ASAP2: variants seen among roughly 807,000 people sequenced by gnomAD.
The protein encoded by ASAP2 is arf-GAP with SH3 domain, ANK repeat and PH domain-containing protein 2.
ASAP2 carries 45 observed loss-of-function variants against 131.4 expected under a neutral mutation model. The observed-to-expected ratio is 0.34, with a 90% CI of 0.27 to 0.44. ASAP2 has a LOEUF of 0.44. Among genes scored for constraint, ASAP2 ranks in the 20% least tolerant of loss-of-function variants. The pLI, the probability that ASAP2 is intolerant of heterozygous loss-of-function variation, is 1.00. For missense variants in ASAP2, 1,011 were observed against 1,297.0 expected, an observed-to-expected ratio of 0.78 and a Z score of 3.39; for synonymous variants, 510 against 503.0, an observed-to-expected ratio of 1.01 and a Z score of -0.19.
At chr2:9,213,208 A>G (rs1661730027) in intron 1 of ASAP2, among the ~76,000 whole-genome samples, 1 of 152,252 alleles carries the variant, frequency 6.6e-6, no homozygotes, top group Non-Finnish European at 1.5e-5. Context: ...GCAGGCTGGA[A>G]TGCAGAGAGG....
chr2:9,208,130 C>G (rs957735264), intron 1 of ASAP2, among the ~76,000 whole-genome samples: 1 of 152,180 alleles, frequency 6.6e-6, no homozygotes, highest in African/African-American at 2.4e-5. Context: ...TTTCCTTACC[C>G]ATCAAACGGG....
chr2:9,323,368 C>T (rs1670274565), intron 6 of ASAP2, 118 bp downstream of exon 6: 1 of 1,420,722 alleles, frequency 7.0e-7, no homozygotes, highest in Non-Finnish European at 9.5e-7. Context: ...CATTGCTGGA[C>T]TCCCTTTGCC....
Position 9,207,320 on chromosome 2 carries a change from T to A in ASAP2, c.126+90T>A. The stretch of plus-strand genomic sequence containing the variant: ...CCGCATCCGCATCCCGAGAAAACTT[T>A]CTTTGCTCCGAAGCCGGACGCGGCC... On this transcript the variant is annotated intron_variant, in intron 1 of 27. Coordinates refer to ENST00000281419, the MANE Select transcript of ASAP2 (RefSeq NM_003887.3). This position sits in a 1 kb window ranked among gnomAD's most constrained non-coding sequence, Gnocchi z 4.1. 7.0e-7 allele frequency: 1 copy of A among 1,418,754 alleles called. No homozygotes were observed. The highest frequency in any genetic ancestry group is 9.2e-7 in the Non-Finnish European group (1 of 1,084,998). 87.9% of individuals were successfully genotyped at this position (1,418,754 alleles called of 1,614,324 possible).
In ASAP2 at chr2:9,311,041, C is replaced by T. The variant is rs1396695391; in HGVS notation, c.346-7483C>T. On this transcript the variant is annotated intron_variant, in intron 3 of 27. Coordinates refer to ENST00000281419, the MANE Select transcript of ASAP2 (RefSeq NM_003887.3). This position sits in a 1 kb window ranked among gnomAD's most constrained non-coding sequence, Gnocchi z 5.2. ...CTTGTCAGACATATCCAAGTGAACT[C>T]GGGGGGAAAAGCTAAGACAGGAAGT... is the stretch of plus-strand genomic sequence containing the variant. 6.6e-6 allele frequency among the ~76,000 whole-genome samples: 1 copy of T among 151,654 alleles called. No homozygotes were observed. The highest frequency in any genetic ancestry group is 1.5e-5 in the Non-Finnish European group (1 of 67,966).
chr2:9,370,271 A>T (rs1673844317), intron 16 of ASAP2, among the ~76,000 whole-genome samples: 1 of 152,208 alleles, frequency 6.6e-6, no homozygotes, highest in South Asian at 2.1e-4. Flanking sequence ...GTGAACAGGG[A>T]CCATGTGCAT....
At chr2:9,337,295 G>C (rs974912987) in intron 9 of ASAP2, among the ~76,000 whole-genome samples, 1 of 152,206 alleles carries the variant, frequency 6.6e-6, no homozygotes, top group Non-Finnish European at 1.5e-5. Context: ...ATGGCATTCA[G>C]CAAGTTGGAC....
Position 9,391,177 on chromosome 2 carries a change from T to A in ASAP2, c.2499T>A (p.Pro833=). The part of the protein sequence containing the change: ...DPPAVHPPLP[P]LRVTSTNPLT... ...CAGCTGTCCATCCACCGCTGCCCCC[T>A]CTTCGCGTGACATCTACCAGTACGT... The change falls in exon 23 of 28, where the codon CCT becomes CCA. Residue 833 remains proline (P), a synonymous_variant. Coordinates refer to ENST00000281419, the MANE Select transcript of ASAP2 (RefSeq NM_003887.3). The A allele has an allele frequency of 6.2e-7, 1 of 1,613,926 alleles. No individual in the cohort carries two copies.
chr2:9,207,303 G>T lies in ASAP2; in HGVS notation c.126+73G>T. On this transcript the variant is annotated intron_variant, in intron 1 of 27. Transcript: ENST00000281419. This position sits in a 1 kb window ranked among gnomAD's most constrained non-coding sequence, Gnocchi z 4.1. ...AGCCCCGCCCGCCGCTCCCGCATCC[G>T]CATCCCGAGAAAACTTTCTTTGCTC... The T allele has an allele frequency of 6.9e-7, 1 of 1,439,090 alleles. No homozygotes were observed. The highest frequency in any genetic ancestry group is 9.1e-7 in the Non-Finnish European group (1 of 1,097,530). 89.1% of individuals were successfully genotyped at this position (1,439,090 alleles called of 1,614,324 possible).
chr2:9,238,646 G>A (rs1558256633), intron 1 of ASAP2, among the ~76,000 whole-genome samples: 1 of 152,190 alleles, frequency 6.6e-6, no homozygotes. Context: ...CAGCCTGTGA[G>A]TTCAGGAGTA....
At position 9,393,153 on chromosome 2, in the gene ASAP2, G is replaced by A. The variant is rs72775242; in HGVS notation, c.2519-329G>A. Reference sequence around the variant, plus strand: ...TTCCCCGGGCAGAGCTGAGGGCCCCGGCCTCCTGCTGTTGGGTCTTTGAGT... The same window carrying A: ...TTCCCCGGGCAGAGCTGAGGGCCCCAGCCTCCTGCTGTTGGGTCTTTGAGT... On this transcript the variant is annotated intron_variant, in intron 23 of 27. Transcript: ENST00000281419. Among the ~76,000 whole-genome samples the A allele has an allele frequency of 4.7e-3, 721 of 152,266 alleles. 4 individuals carry two copies. The highest frequency in any genetic ancestry group is 8.3e-3 in the Non-Finnish European group (565 of 68,030).
intron 20 of ASAP2, among the ~76,000 whole-genome samples, chr2:9,384,036 A>T (rs1321324917): frequency 2.6e-5 from 4 of 152,138 alleles, no homozygotes; most frequent in African/African-American, 7.2e-5. Context: ...CGGGGGAGGG[A>T]TAGCATCAGG....
chr2:9,295,885 G>C (rs371358982), intron 2 of ASAP2, among the ~76,000 whole-genome samples: 1 of 152,376 alleles, frequency 6.6e-6, no homozygotes, highest in African/African-American at 2.4e-5. Flanking sequence ...CATAGGATGG[G>C]TGAGCAGACC....
At chr2:9,391,533 T>G (rs1262067411) in intron 23 of ASAP2, among the ~76,000 whole-genome samples, 1 of 152,084 alleles carries the variant, frequency 6.6e-6, no homozygotes, top group Non-Finnish European at 1.5e-5. Context: ...TTGGGGACAG[T>G]CACTTGGATT....
At position 9,268,060 on chromosome 2, in the gene ASAP2, G is replaced by C. The variant is rs1403681702; in HGVS notation, c.127-11257G>C. ...TCAGTTTGTAGTTTGCCAACAAGGT[G>C]TATATCCCTAAACATAAACAATTTA... On this transcript the variant is annotated intron_variant, in intron 1 of 27. Coordinates refer to ENST00000281419, the MANE Select transcript of ASAP2 (RefSeq NM_003887.3). This position sits in a 1 kb window ranked among gnomAD's most constrained non-coding sequence, Gnocchi z 4.1. Among the ~76,000 whole-genome samples, 1 of 152,134 alleles carries C rather than the reference G, an allele frequency of 6.6e-6. No individual in the cohort carries two copies. The highest frequency in any genetic ancestry group is 1.5e-5 in the Non-Finnish European group (1 of 68,028).
intron 15 of ASAP2, among the ~76,000 whole-genome samples, chr2:9,359,164 G>A (rs1385805909): frequency 1.3e-5 from 2 of 152,222 alleles, no homozygotes; most frequent in Non-Finnish European, 2.9e-5. Context: ...AATGGAGTAA[G>A]ATGGTGACAT....
intron 2 of ASAP2, among the ~76,000 whole-genome samples, chr2:9,283,760 C>A (rs1160844848): frequency 6.6e-6 from 1 of 152,214 alleles, no homozygotes; most frequent in Non-Finnish European, 1.5e-5. Flanking sequence ...CTCTCCTCTC[C>A]TTCCTGGCTT....
intron 1 of ASAP2, among the ~76,000 whole-genome samples, chr2:9,242,773 G>A (rs1664064254): frequency 6.6e-6 from 1 of 152,104 alleles, no homozygotes; most frequent in African/African-American, 2.4e-5. Context: ...CTTTATGGAG[G>A]AAAATTGCCG....
intron 1 of ASAP2, among the ~76,000 whole-genome samples, chr2:9,231,724 T>C (rs1020551927): frequency 6.6e-6 from 1 of 152,164 alleles, no homozygotes; most frequent in Non-Finnish European, 1.5e-5. Flanking sequence ...ATGGTCCTTC[T>C]GCTAGTTGGA....
chr2:9,361,496 G>C (rs996325132), intron 15 of ASAP2, among the ~76,000 whole-genome samples: 1 of 152,044 alleles, frequency 6.6e-6, no homozygotes, highest in Non-Finnish European at 1.5e-5. Context: ...GGCAAAGCTT[G>C]GAAATTTCAA....
Sources: allele counts gnomAD v4.1 joint callset (sites outside exome capture counted in the v4.1 genomes callset), GRCh38; gene constraint gnomAD v4.1.1; non-coding constraint Gnocchi (gnomAD v3.1); transcripts MANE v1.5; gene names NCBI Gene and HGNC (gene_info 2026-07-23, HGNC 2026-07-21).